ALPK3: variants seen among roughly 807,000 people sequenced by gnomAD.
The protein encoded by ALPK3 is alpha-protein kinase 3.
Under a neutral mutation model 140.0 loss-of-function variants are expected in ALPK3, and 102 were observed. The observed-to-expected ratio is 0.73, with a 90% CI of 0.62 to 0.86. The LOEUF (loss-of-function observed/expected upper bound fraction) is 0.86, where lower values mean the gene tolerates loss of function less well. Among genes scored for constraint, ALPK3 ranks in the 40% least tolerant of loss-of-function variants. The pLI is 0.00. For synonymous variants in ALPK3, 938 were observed against 898.5 expected, an observed-to-expected ratio of 1.04 and a Z score of -0.79; for missense variants, 2,254 against 2,208.2, an observed-to-expected ratio of 1.02 and a Z score of -0.42.
rs1337435221 is a variant in ALPK3, at chr15:84,858,347, G to A, written c.3609G>A (p.Gly1203=). 1 of 1,556,702 alleles carries A rather than the reference G, an allele frequency of 6.4e-7. No individual in the cohort carries two copies. The highest frequency in any genetic ancestry group is 8.7e-7 in the Non-Finnish European group (1 of 1,150,902). Residue 1203 remains glycine, a synonymous_variant, in exon 6 of 14, where the codon GGG becomes GGA. Transcript: ENST00000258888. ...PRGPRKSLVP[G]SPGTPGRERR... is the part of the protein sequence containing the mutation. The stretch of plus-strand genomic sequence containing the variant: ...GGCCCAGGAAAAGCCTGGTGCCTGG[G>A]TCCCCAGGGACTCCAGGGCGGGAGA...
intron 2 of ALPK3, among the ~76,000 whole-genome samples, chr15:84,823,944 A>G (rs1596145412): frequency 6.6e-6 from 1 of 152,206 alleles, no homozygotes; most frequent in Non-Finnish European, 1.5e-5. Flanking sequence ...CCTGGCTCCA[A>G]GGGATCCTCC....
Position 84,863,599 on chromosome 15 carries a change from A to G in ALPK3, c.4458A>G (p.Ala1486=), listed in dbSNP as rs200241564. 130 of 1,613,994 alleles carry G rather than the reference A, an allele frequency of 8.1e-5. No homozygotes were observed. The highest frequency in any genetic ancestry group is 3.3e-5 in the Admixed American group (2 of 59,998). ...NMSREYCKIF[A]AEARAAPGFG... ...GTCGGGAGTACTGCAAAATCTTCGC[A>G]GCAGAAGCCCGGGCCGCGCCTGGCT... Residue 1486 remains alanine, a synonymous_variant, in exon 11 of 14, where the codon GCA becomes GCG. Coordinates refer to ENST00000258888, the MANE Select transcript of ALPK3 (RefSeq NM_020778.5).
intron 11 of ALPK3, 85 bp downstream of exon 11, chr15:84,863,725 G>T: frequency 7.4e-7 from 1 of 1,357,662 alleles, no homozygotes; most frequent in Non-Finnish European, 1.0e-6. Flanking sequence ...AGCCTCCCAG[G>T]GGCATCCTGC....
Position 84,857,599 on chromosome 15 carries a change from C to T in ALPK3, c.2861C>T (p.Pro954Leu), listed in dbSNP as rs761003606. Residue 954 changes from proline (P) to leucine (L), a missense_variant, in exon 6 of 14, where the codon CCT becomes CTT. By Grantham distance (98) the Pro-to-Leu change is moderately conservative. This residue lies in a region of ALPK3 where 2,088 missense variants were observed against 2,022.9 expected (regional missense o/e 1.03). Transcript: ENST00000258888. ...ACCCCAGGTCCCCGGAGCTGTGACC[C>T]TGGCCTCATAGATTCCCTGAAGAAC... The part of the protein sequence containing the change: ...GRTPGPRSCD[P>L]GLIDSLKNYL... The T allele has an allele frequency of 3.2e-6, 5 of 1,575,310 alleles. No homozygotes were observed. The East Asian group carries it at 1.1e-4, about 35-fold the overall frequency.
Position 84,870,107 on chromosome 15 carries a change from C to T in ALPK3, c.*1651C>T, listed in dbSNP as rs1393325583. 2 of 152,254 alleles carry T rather than the reference C, an allele frequency of 1.3e-5. No homozygotes were observed. The highest frequency in any genetic ancestry group is 4.8e-5 in the African/African-American group (2 of 41,464). The allele number at this position is 152,254 out of a possible 1,614,324, so 9.4% of individuals were successfully genotyped here. A position where few individuals can be genotyped will look rare whatever the true frequency, so the allele number is the denominator to read the frequency against. ...CAGCAAGACCAGCCCAGGAGCCCAC[C>T]AGCACCTGCCTCTCAGCTACTTGCT... On this transcript the variant is annotated 3_prime_UTR_variant, in exon 14 of 14. Transcript: ENST00000258888.
At chr15:84,828,413 A>G (rs1417413166) in intron 3 of ALPK3, among the ~76,000 whole-genome samples, 1 of 152,036 alleles carries the variant, frequency 6.6e-6, no homozygotes, top group Admixed American at 6.6e-5. Context: ...AGAGACTCCA[A>G]CCTGACCAGC....
Position 84,857,489 on chromosome 15 carries a change from GA to G in ALPK3, c.2752del (p.Thr918ProfsTer40). On this transcript the variant is annotated frameshift_variant, in exon 6 of 14. Coordinates refer to ENST00000258888, the MANE Select transcript of ALPK3 (RefSeq NM_020778.5). LOFTEE classifies it high-confidence loss of function. ...SAPTLHLGLGTPTQSHPPETM... is the reference protein window; with the variant it reads ...SAPTLHLGLGXPTQSHPPETM... ...CCCCAACACTGCACCTGGGGCTGGG[GA>G]CCCCCACTCAGAGTCACCCACCAGA... 6.2e-7 allele frequency: 1 copy of G among 1,605,342 alleles called. No individual in the cohort carries two copies. The highest frequency in any genetic ancestry group is 1.3e-5 in the African/African-American group (1 of 74,940).
At chr15:84,849,748 A>G (rs2050904126) in intron 5 of ALPK3, among the ~76,000 whole-genome samples, 1 of 152,180 alleles carries the variant, frequency 6.6e-6, no homozygotes, top group Admixed American at 6.5e-5. Context: ...GGATGCTGCT[A>G]AATCAGTGCC....
chr15:84,862,697 T>G lies in ALPK3; in HGVS notation c.4192T>G (p.Trp1398Gly), dbSNP rs1160297149. The G allele has an allele frequency of 3.7e-6, 6 of 1,613,998 alleles. No homozygotes were observed. Among genetic ancestry groups the G allele is most frequent in the Non-Finnish European group, 4.2e-6 (5 of 1,180,004 alleles). ...FAKGLADSGC[W>G]GDKLFGRLVS... ...TAAGGGTCTGGCTGACTCTGGCTGC[T>G]GGGGGGACAAGCTCTTTGGGCGACT... is the stretch of plus-strand genomic sequence containing the variant. Residue 1398 changes from tryptophan to glycine, a missense_variant, in exon 10 of 14, where the codon TGG becomes GGG. This residue lies in a region of ALPK3 where 2,088 missense variants were observed against 2,022.9 expected (regional missense o/e 1.03). Coordinates refer to ENST00000258888, the MANE Select transcript of ALPK3 (RefSeq NM_020778.5).
intron 3 of ALPK3, among the ~76,000 whole-genome samples, chr15:84,834,271 T>C (rs1318723525): frequency 6.6e-6 from 1 of 152,220 alleles, no homozygotes; most frequent in Non-Finnish European, 1.5e-5. Context: ...GAGCCTCATT[T>C]TCCTTTTGTA....
Position 84,864,498 on chromosome 15 carries a change from T to G in ALPK3, c.4556T>G (p.Leu1519Arg). Residue 1519 changes from leucine (L) to arginine (R), a missense_variant, in exon 12 of 14, where the codon CTG (leucine) becomes CGG (arginine). Leu to Arg is a moderately radical substitution (Grantham distance 102). Coordinates refer to ENST00000258888, the MANE Select transcript of ALPK3 (RefSeq NM_020778.5). Reference protein sequence around the residue: ...RPANNIPYATLEEDLGKPLES... With the variant: ...RPANNIPYATREEDLGKPLES... Reference sequence around the variant, plus strand: ...GCAAACAATATCCCATATGCTACCCTGGAGGAAGACCTGGGCAAGCCCCTG... The same window carrying G: ...GCAAACAATATCCCATATGCTACCCGGGAGGAAGACCTGGGCAAGCCCCTG... The G allele has an allele frequency of 6.2e-7, 1 of 1,614,178 alleles. No homozygotes were observed. The highest frequency in any genetic ancestry group is 8.5e-7 in the Non-Finnish European group (1 of 1,180,036).
intron 5 of ALPK3, among the ~76,000 whole-genome samples, chr15:84,853,138 A>G (rs1963824482): frequency 1.3e-5 from 2 of 152,262 alleles, no homozygotes; most frequent in South Asian, 2.1e-4. Flanking sequence ...TTGTATGCAC[A>G]GTCTGCACCT....
In ALPK3 at chr15:84,863,581, G is replaced by A; in HGVS notation, c.4440G>A (p.Glu1480=). Residue 1480 remains glutamate (E), a synonymous_variant, in exon 11 of 14, where the codon GAG becomes GAA. Transcript: ENST00000258888. ...QGCKIQNMSR[E]YCKIFAAEAR... is the part of the protein sequence containing the mutation. ...GCAAGATCCAGAACATGAGTCGGGA[G>A]TACTGCAAAATCTTCGCAGCAGAAG... The A allele has an allele frequency of 6.2e-7, 1 of 1,614,110 alleles. No individual in the cohort carries two copies. Among genetic ancestry groups the A allele is most frequent in the Non-Finnish European group, 8.5e-7 (1 of 1,179,988 alleles).
chr15:84,839,823 T>C lies in ALPK3; in HGVS notation c.544T>C (p.Phe182Leu). The change falls in exon 5 of 14, where the codon TTC (phenylalanine) becomes CTC (leucine). Residue 182 changes from phenylalanine to leucine, a missense_variant. This residue lies in a region of ALPK3 where 2,088 missense variants were observed against 2,022.9 expected (regional missense o/e 1.03). Coordinates refer to ENST00000258888, the MANE Select transcript of ALPK3 (RefSeq NM_020778.5). ...MTEYKIHQRWFAKLKRKAAAK... is the reference protein window; with the variant it reads ...MTEYKIHQRWLAKLKRKAAAK... ...TGAGTACAAGATCCACCAGCGCTGG[T>C]TCGCCAAGTTGAAGCGCAAGGCTGC... 2 of 1,613,862 alleles carry C rather than the reference T, an allele frequency of 1.2e-6. No homozygotes were observed. Among genetic ancestry groups the C allele is most frequent in the Non-Finnish European group, 1.7e-6 (2 of 1,179,962 alleles).
In ALPK3 at chr15:84,862,878, C is replaced by T; in HGVS notation, c.4373C>T (p.Thr1458Ile). The change falls in exon 10 of 14, where the codon ACT becomes ATT. Residue 1458 changes from threonine to isoleucine, a missense_variant. Around this residue, in one of 3 missense-constraint regions of ALPK3, gnomAD observed 2,088 missense variants for 2,022.9 expected, o/e 1.03. Coordinates refer to ENST00000258888, the MANE Select transcript of ALPK3 (RefSeq NM_020778.5). ...CTTGTGTTTGGGCCCAGCAGTGAGA[C>T]TTCTCTTGTGGGCAGAAACTACGAC... Reference protein sequence around the residue: ...SLLVFGPSSETSLVGRNYDVT... With the variant: ...SLLVFGPSSEISLVGRNYDVT... 6.2e-7 allele frequency: 1 copy of T among 1,614,104 alleles called. No homozygotes were observed. Among genetic ancestry groups the T allele is most frequent in the Non-Finnish European group, 8.5e-7 (1 of 1,179,990 alleles).
rs201851851 is a variant in ALPK3, at chr15:84,840,172, A to G, written c.893A>G (p.Asp298Gly). 1.9e-5 allele frequency: 30 copies of G among 1,613,838 alleles called. No individual in the cohort carries two copies. The Middle Eastern group carries it at 1.5e-3, about 80-fold the overall frequency. Residue 298 changes from aspartate (D) to glycine (G), a missense_variant, in exon 5 of 14, where the codon GAC (aspartate) becomes GGC (glycine). This residue lies in a region of ALPK3 where 2,088 missense variants were observed against 2,022.9 expected (regional missense o/e 1.03). Transcript: ENST00000258888. ...GEHGLLTYIC[D>G]AMELGPQRAL... ...CATGGCTTGCTGACATACATCTGTG[A>G]CGCCATGGAGCTGGGGCCTCAGAGA... is the stretch of plus-strand genomic sequence containing the variant.
At chr15:84,862,058 G>A (rs370645504) in intron 9 of ALPK3, among the ~76,000 whole-genome samples, 2 of 152,108 alleles carry the variant, frequency 1.3e-5, no homozygotes, top group East Asian at 3.9e-4. Flanking sequence ...GATATTTCAG[G>A]TCCTTGCTGT....
At position 84,857,222 on chromosome 15, in the gene ALPK3, G is replaced by A; in HGVS notation, c.2484G>A (p.Glu828=). ...GGCCACAGTCATCAGGCCCAGTCGA[G>A]GCCAAGCAGGAGGACAGCCCGTTCC... ...CRGPQSSGPV[E]AKQEDSPFQC... is the part of the protein sequence containing the mutation. The change falls in exon 6 of 14, where the codon GAG becomes GAA. Residue 828 remains glutamate (E), a synonymous_variant. Coordinates refer to ENST00000258888, the MANE Select transcript of ALPK3 (RefSeq NM_020778.5). The A allele has an allele frequency of 6.2e-7, 1 of 1,614,042 alleles. No individual in the cohort carries two copies. The highest frequency in any genetic ancestry group is 8.5e-7 in the Non-Finnish European group (1 of 1,179,952).
intron 2 of ALPK3, 109 bp downstream of exon 2, chr15:84,823,477 G>A: frequency 7.9e-7 from 1 of 1,272,282 alleles, no homozygotes; most frequent in Admixed American, 1.8e-5. Context: ...TGGGGTGAGG[G>A]GAGAGCTGGA....
Sources: gnomAD v4.1 joint callset for allele counts (sites outside exome capture counted in the v4.1 genomes callset) on GRCh38, gnomAD v4.1.1 for gene constraint, gnomAD v4.1.1 regional missense constraint, MANE v1.5 for transcripts, NCBI Gene and HGNC (gene_info 2026-07-23, HGNC 2026-07-21) for gene names.